TMEFF2: variants seen among roughly 807,000 people sequenced by gnomAD.
TMEFF2 encodes the protein tomoregulin-2.
TMEFF2 carries 28 observed loss-of-function variants against 53.8 expected under a neutral mutation model. The observed-to-expected ratio is 0.52, with a 90% CI of 0.39 to 0.71. TMEFF2 has a LOEUF of 0.71. Among genes scored for constraint, TMEFF2 ranks in the 30% least tolerant of loss-of-function variants. The pLI is 0.00. For missense variants in TMEFF2, 353 were observed against 455.2 expected (o/e 0.78, Z 2.04); for synonymous variants, 162 against 166.3 (o/e 0.97, Z 0.20).
At chr2:192,040,683 C>G (rs1266005295) in intron 5 of TMEFF2, among the ~76,000 whole-genome samples, 2 of 152,034 alleles carry the variant, frequency 1.3e-5, no homozygotes, top group Non-Finnish European at 1.5e-5. Context: ...GATGTTAGAG[C>G]CCAAAGAAAC....
intron 4 of TMEFF2, among the ~76,000 whole-genome samples, chr2:192,129,418 G>C (rs943161872): frequency 6.7e-6 from 1 of 150,084 alleles, no homozygotes; most frequent in Admixed American, 6.6e-5. Flanking sequence ...TTCTGACCAT[G>C]ATGTACATAG....
intron 5 of TMEFF2, among the ~76,000 whole-genome samples, chr2:192,011,355 TA>T: frequency 6.6e-6 from 1 of 152,318 alleles, no homozygotes; most frequent in South Asian, 2.1e-4. Flanking sequence ...AACACTGTGC[TA>T]GGGGTCAGGG....
intron 4 of TMEFF2, among the ~76,000 whole-genome samples, chr2:192,168,450 T>C (rs972694961): frequency 6.6e-6 from 1 of 152,098 alleles, no homozygotes; most frequent in Non-Finnish European, 1.5e-5. Context: ...GGATGTGGAA[T>C]AGAGTATTCA....
At chr2:191,977,054 G>C (rs1263199623) in intron 7 of TMEFF2, among the ~76,000 whole-genome samples, 1 of 152,220 alleles carries the variant, frequency 6.6e-6, no homozygotes, top group Non-Finnish European at 1.5e-5. Context: ...CTGGCACATA[G>C]TAAGTGCTCA....
chr2:192,144,366 T>G (rs992948323), intron 4 of TMEFF2, among the ~76,000 whole-genome samples: 40 of 152,100 alleles, frequency 2.6e-4, no homozygotes, highest in African/African-American at 9.4e-4. Context: ...CTTTAAAAAT[T>G]TTGATTCTAC....
At chr2:191,978,260 C>T (rs950941259) in intron 7 of TMEFF2, among the ~76,000 whole-genome samples, 4 of 152,204 alleles carry the variant, frequency 2.6e-5, no homozygotes, top group South Asian at 2.1e-4. Flanking sequence ...TAATGGAAAG[C>T]GATCGGCCAG....
chr2:192,063,655 A>G (rs1260515639), intron 4 of TMEFF2, among the ~76,000 whole-genome samples: 1 of 151,814 alleles, frequency 6.6e-6, no homozygotes, highest in Non-Finnish European at 1.5e-5. Context: ...AATAGTGTTA[A>G]AATCTATATT....
At chr2:192,184,257 A>G in intron 3 of TMEFF2, 97 bp downstream of exon 3, 1 of 1,445,798 alleles carries the variant, frequency 6.9e-7, no homozygotes, top group Non-Finnish European at 9.5e-7. Context: ...GTCAACATAT[A>G]ATCTGAATTA....
chr2:192,067,287 G>C (rs893381523), intron 4 of TMEFF2, among the ~76,000 whole-genome samples: 18 of 151,860 alleles, frequency 1.2e-4, no homozygotes, highest in Admixed American at 1.2e-3. Context: ...GGTTTAGACA[G>C]AGGGGTAGTG....
chr2:192,075,837 C>T (rs375096113), intron 4 of TMEFF2, among the ~76,000 whole-genome samples: 87 of 151,870 alleles, frequency 5.7e-4, no homozygotes, highest in East Asian at 4.8e-3. Context: ...TCAACTATTG[C>T]GGGAGATACT....
intron 7 of TMEFF2, 74 bp from the exon 8 acceptor site, chr2:191,956,452 C>CA (rs1692099129): frequency 1.3e-6 from 2 of 1,494,412 alleles, no homozygotes; most frequent in Non-Finnish European, 1.8e-6. Context: ...CATTAAGAAG[C>CA]AAAGCTATGG....
chr2:192,119,825 A>G (rs1461072779), intron 4 of TMEFF2, among the ~76,000 whole-genome samples: 1 of 152,188 alleles, frequency 6.6e-6, no homozygotes. Context: ...TAGGTGTTGT[A>G]TGCCTTCAAT....
intron 4 of TMEFF2, among the ~76,000 whole-genome samples, chr2:192,131,456 C>A (rs960411590): frequency 6.6e-6 from 1 of 152,162 alleles, no homozygotes; most frequent in African/African-American, 2.4e-5. Flanking sequence ...TCTCCTTCAC[C>A]CTTAGTGGCA....
chr2:191,955,546 T>TTTTTTTTTTTTTTTTG, intron 8 of TMEFF2, among the ~76,000 whole-genome samples: 1 of 144,306 alleles, frequency 6.9e-6, no homozygotes, highest in Non-Finnish European at 1.5e-5. Flanking sequence ...TTTTTTTTTT[T>TTTTTTTTTTTTTTTTG]TTAGAGATAG....
chr2:192,141,941 A>C (rs1391033012), intron 4 of TMEFF2, among the ~76,000 whole-genome samples: 1 of 152,196 alleles, frequency 6.6e-6, no homozygotes, highest in Non-Finnish European at 1.5e-5. Context: ...ATTTAACTAA[A>C]AAATGATATA....
At chr2:191,971,410 A>T (rs1321660005) in intron 7 of TMEFF2, among the ~76,000 whole-genome samples, 1 of 152,212 alleles carries the variant, frequency 6.6e-6, no homozygotes. Flanking sequence ...AATTGGGCTT[A>T]TAGGGAGCCA....
At chr2:192,091,754 G>A (rs1688795193) in intron 4 of TMEFF2, among the ~76,000 whole-genome samples, 1 of 151,756 alleles carries the variant, frequency 6.6e-6, no homozygotes, top group Non-Finnish European at 1.5e-5. Flanking sequence ...TCACAGTACT[G>A]AATTTCAATG....
chr2:191,964,332 CCTTCTTT>C (rs1287071209), intron 7 of TMEFF2, among the ~76,000 whole-genome samples: 1 of 103,958 alleles, frequency 9.6e-6, no homozygotes, highest in African/African-American at 4.7e-5. Context: ...TCCTTTCTTT[CCTTCTTT>C]CTTTCTTTCT....
intron 4 of TMEFF2, among the ~76,000 whole-genome samples, chr2:192,061,853 T>C (rs1253029771): frequency 6.6e-6 from 1 of 152,036 alleles, no homozygotes. Context: ...ACCTCTTCGT[T>C]CTCTCTCTTG....
Sources: allele counts gnomAD v4.1 joint callset (sites outside exome capture counted in the v4.1 genomes callset), GRCh38; gene constraint gnomAD v4.1.1; transcripts MANE v1.5; gene names NCBI Gene and HGNC (gene_info 2026-07-23, HGNC 2026-07-21).